The following COL5A1 variants were observed in gnomAD, a reference collection of about 807,000 sequenced individuals.
The protein encoded by COL5A1 is collagen alpha-1(V) chain.
COL5A1 carries 16 observed loss-of-function variants against 263.7 expected under a neutral mutation model. The observed-to-expected ratio is 0.06, with a 90% CI of 0.04 to 0.09. The LOEUF is 0.09. Among genes scored for constraint, COL5A1 ranks in the 10% least tolerant of loss-of-function variants. COL5A1 has a pLI of 1.00. For missense variants in COL5A1, 2,036 were observed against 2,540.5 expected, an observed-to-expected ratio of 0.80 and a Z score of 4.27; for synonymous variants, 1,012 against 1,004.5, an observed-to-expected ratio of 1.01 and a Z score of -0.14.
At chr9:134,834,880 G>A in intron 64 of COL5A1, 91 bp from the exon 65 acceptor site, 2 of 926,062 alleles carry the variant, frequency 2.2e-6, no homozygotes, top group South Asian at 2.8e-5. Flanking sequence ...GAAGACCACA[G>A]TGTGAGTGAA....
intron 59 of COL5A1, chr9:134,822,793 C>T (rs560714714): frequency 4.5e-6 from 3 of 667,752 alleles, no homozygotes; most frequent in South Asian, 3.4e-5. Context: ...GCAGGTAGGA[C>T]CACCCTGTGT....
At chr9:134,685,051 A>G (rs1208989031) in intron 1 of COL5A1, among the ~76,000 whole-genome samples, 9 of 84,618 alleles carry the variant, frequency 1.1e-4, no homozygotes, top group African/African-American at 3.2e-4. Context: ...TCCACCATCC[A>G]TCCACCATCC....
intron 32 of COL5A1, among the ~76,000 whole-genome samples, chr9:134,791,076 CAGATG>C (rs1837675672): frequency 6.6e-6 from 1 of 152,202 alleles, no homozygotes; most frequent in African/African-American, 2.4e-5. Context: ...ATGGATGCTC[CAGATG>C]TCCAGGGCAT....
chr9:134,723,012 G>C (rs1030406128), intron 4 of COL5A1, among the ~76,000 whole-genome samples: 2 of 152,202 alleles, frequency 1.3e-5, no homozygotes, highest in Non-Finnish European at 2.9e-5. Context: ...GGGGTCTCAG[G>C]GGCAGGGGGC....
intron 14 of COL5A1, 58 bp from the exon 15 acceptor site, chr9:134,753,790 CTT>C: frequency 6.7e-6 from 8 of 1,194,004 alleles, no homozygotes; most frequent in Non-Finnish European, 1.0e-5. Flanking sequence ...ACCCCCAGCC[CTT>C]CCTGTGTTCT....
chr9:134,675,259 C>T (rs1351752916), intron 1 of COL5A1, among the ~76,000 whole-genome samples: 1 of 152,154 alleles, frequency 6.6e-6, no homozygotes, highest in Non-Finnish European at 1.5e-5. Flanking sequence ...CTCAGACTTT[C>T]AGTACTAAGT....
intron 1 of COL5A1, chr9:134,653,594 T>TCC (rs1204846709): frequency 1.3e-5 from 2 of 152,522 alleles, no homozygotes; most frequent in Non-Finnish European, 2.9e-5. Context: ...AGACCTCCCC[T>TCC]CCATCCGTAC....
chr9:134,707,496 C>T (rs1288526721), intron 4 of COL5A1, among the ~76,000 whole-genome samples: 3 of 150,414 alleles, frequency 2.0e-5, no homozygotes, highest in African/African-American at 7.4e-5. Context: ...GGGGCCTGTG[C>T]TGAGTGGGCC....
chr9:134,738,652 C>T (rs867068251), intron 10 of COL5A1, 94 bp from the exon 11 acceptor site: 2 of 1,469,202 alleles, frequency 1.4e-6, no homozygotes, highest in Middle Eastern at 1.7e-4. Context: ...CGGCGCTATC[C>T]CACCCCCACC....
intron 23 of COL5A1, 53 bp from the exon 24 acceptor site, chr9:134,767,257 T>TC: frequency 6.4e-7 from 1 of 1,567,036 alleles, no homozygotes; most frequent in African/African-American, 1.4e-5. Context: ...AGGGGAGGGT[T>TC]CTGAGTCAAT....
chr9:134,802,950 C>T lies in COL5A1; in HGVS notation c.3069C>T (p.Pro1023=), dbSNP rs139070070. The T allele has an allele frequency of 1.1e-4, 172 of 1,610,986 alleles. No individual in the cohort carries two copies. Among genetic ancestry groups the T allele is most frequent in the African/African-American group, 1.1e-3 (79 of 75,044 alleles). ...GCCACCCTGGGCCCCCTGGACCCCC[C>T]GGTGAACAGGGGCTTCCGGGCCTTG... ...ERGHPGPPGP[P]GEQGLPGLAG... Residue 1023 remains proline, a synonymous_variant, in exon 39 of 66, where the codon CCC becomes CCT. Coordinates refer to ENST00000371817, the MANE Select transcript of COL5A1 (RefSeq NM_000093.5).
intron 32 of COL5A1, among the ~76,000 whole-genome samples, chr9:134,792,562 G>A (rs575154043): frequency 2.0e-5 from 3 of 152,110 alleles, no homozygotes; most frequent in South Asian, 2.1e-4. Context: ...ACAAGATTTC[G>A]TCATGTTGAC....
chr9:134,748,288 C>T (rs1308834595), intron 11 of COL5A1, among the ~76,000 whole-genome samples: 1 of 151,928 alleles, frequency 6.6e-6, no homozygotes, highest in Non-Finnish European at 1.5e-5. Flanking sequence ...CACATATATG[C>T]ACATGCACAC....
intron 37 of COL5A1, among the ~76,000 whole-genome samples, chr9:134,801,100 G>A (rs1402017074): frequency 6.6e-5 from 10 of 152,260 alleles, no homozygotes; most frequent in Non-Finnish European, 1.3e-4. Context: ...TACAGAAGTC[G>A]TGGCGACACC....
intron 26 of COL5A1, among the ~76,000 whole-genome samples, chr9:134,773,504 C>T (rs371167609): frequency 2.0e-5 from 3 of 152,218 alleles, no homozygotes; most frequent in Non-Finnish European, 4.4e-5. Context: ...GTGTTGAAAC[C>T]GCACACCGAG....
chr9:134,828,811 CCA>C (rs906680873), intron 63 of COL5A1, among the ~76,000 whole-genome samples: 15 of 150,176 alleles, frequency 1.0e-4, no homozygotes, highest in African/African-American at 2.0e-4. Flanking sequence ...CACACAGATA[CCA>C]CACACACACA....
At chr9:134,732,249 A>G in intron 9 of COL5A1, 122 bp downstream of exon 9, 1 of 971,330 alleles carries the variant, frequency 1.0e-6, no homozygotes, top group Non-Finnish European at 1.7e-6. Flanking sequence ...GGTCACTTCG[A>G]GCAACCACCT....
rs1313303657 is a variant in COL5A1, at chr9:134,652,857, G to A, written c.109+10561G>A. The A allele has an allele frequency of 5.2e-6, 2 of 381,750 alleles. No homozygotes were observed. The highest frequency in any genetic ancestry group is 1.9e-5 in the South Asian group (1 of 51,534). 23.6% of individuals were successfully genotyped at this position (381,750 alleles called of 1,614,324 possible). On this transcript the variant is annotated intron_variant, in intron 1 of 65. Coordinates refer to ENST00000371817, the MANE Select transcript of COL5A1 (RefSeq NM_000093.5). This position sits in a 1 kb window ranked among gnomAD's most constrained non-coding sequence, Gnocchi z 4.4. ...CGAGGCCTCTCTTAAGGCACAGATT[G>A]TTTCTGACTCAGGAGGCCTTGGGTG...
chr9:134,801,390 A>G (rs186517128), intron 37 of COL5A1, among the ~76,000 whole-genome samples: 119 of 152,364 alleles, frequency 7.8e-4, no homozygotes, highest in Non-Finnish European at 1.3e-3. Context: ...AAGCCAACTC[A>G]GAAAAGGAGC....
Sources: allele counts gnomAD v4.1 joint callset (sites outside exome capture counted in the v4.1 genomes callset), GRCh38; gene constraint gnomAD v4.1.1; non-coding constraint Gnocchi (gnomAD v3.1); transcripts MANE v1.5; gene names NCBI Gene and HGNC (gene_info 2026-07-23, HGNC 2026-07-21).